The following DIPK2B variants were observed in gnomAD, a reference collection of about 807,000 sequenced individuals.
The protein encoded by DIPK2B is divergent protein kinase domain 2B, also known as UPF0672 protein CXorf36.
A neutral mutation model predicts 22.2 loss-of-function variants in DIPK2B; 15 were observed. That is an observed-to-expected ratio of 0.68 (90% CI 0.45 to 1.04). The LOEUF (loss-of-function observed/expected upper bound fraction) is 1.04, where lower values mean the gene tolerates loss of function less well. Ranked by LOEUF, DIPK2B falls within the 50% of genes least tolerant of loss-of-function variation. The pLI is 0.00. For synonymous variants in DIPK2B, 163 were observed against 153.2 expected (o/e 1.06, Z -0.47); for missense variants, 345 against 348.3 (o/e 0.99, Z 0.08).
In DIPK2B at chrX:45,150,637, C is replaced by T. The variant is rs1439380606; in HGVS notation, c.*1015G>A. 5 of 111,225 alleles carry T rather than the reference C, an allele frequency of 4.5e-5. No homozygotes were observed. The highest frequency in any genetic ancestry group is 9.4e-5 in the Non-Finnish European group (5 of 53,068). The allele number at this position is 111,225 out of a possible 1,213,427, so 9.2% of individuals were successfully genotyped here. A position where few individuals can be genotyped will look rare whatever the true frequency, so the allele number is the denominator to read the frequency against. The stretch of plus-strand genomic sequence containing the variant: ...CTCTGAAATCTATCTTTGCTGTTTC[C>T]GCCAACCACTGAGTGCAGCAGGGAT... On this transcript the variant is annotated 3_prime_UTR_variant, in exon 5 of 5. Coordinates refer to ENST00000398000, the MANE Select transcript of DIPK2B (RefSeq NM_176819.4).
chrX:45,197,279 C>T (rs2047244176), intron 1 of DIPK2B, among the ~76,000 whole-genome samples: 1 of 109,398 alleles, frequency 9.1e-6, no homozygotes, highest in African/African-American at 3.3e-5. Flanking sequence ...GCTCTTTCAC[C>T]CAGGCTGGAG....
At chrX:45,168,993 A>G (rs1362196291) in intron 2 of DIPK2B, among the ~76,000 whole-genome samples, 1 of 111,966 alleles carries the variant, frequency 8.9e-6, no homozygotes, top group Non-Finnish European at 1.9e-5. Context: ...TAATTTAGCT[A>G]TGCCTCAGTT....
chrX:45,158,074 G>A (rs1370690561), intron 2 of DIPK2B, among the ~76,000 whole-genome samples, 186 bp from the exon 3 acceptor site: 4 of 101,923 alleles, frequency 3.9e-5, no homozygotes, highest in African/African-American at 1.4e-4. Context: ...GGGAGGGGTT[G>A]GGTAGCTCTG....
chrX:45,159,147 C>T (rs780735632), intron 2 of DIPK2B, among the ~76,000 whole-genome samples: 1 of 109,060 alleles, frequency 9.2e-6, no homozygotes, highest in East Asian at 2.9e-4. Flanking sequence ...GAGCAGGGGG[C>T]GGGGGTGGGG....
intron 2 of DIPK2B, among the ~76,000 whole-genome samples, chrX:45,176,768 C>G (rs889861941): frequency 8.9e-6 from 1 of 111,825 alleles, no homozygotes; most frequent in East Asian, 2.8e-4. Context: ...AGAAATCACC[C>G]TTTGTTCTCC....
rs1422890019 is a variant in DIPK2B, at chrX:45,157,887, C to T, written c.500G>A (p.Gly167Asp). 1 of 1,141,309 alleles carries T rather than the reference C, an allele frequency of 8.8e-7. No homozygotes were observed. Among genetic ancestry groups the T allele is most frequent in the South Asian group, 2.0e-5 (1 of 50,680 alleles). 94.1% of individuals were successfully genotyped at this position (1,141,309 alleles called of 1,213,427 possible). The change falls in exon 3 of 5, where the codon GGC (glycine) becomes GAC (aspartate). Residue 167 changes from glycine to aspartate, a missense_variant and splice_region_variant. By Grantham distance (94) the Gly-to-Asp change is moderately conservative. Transcript: ENST00000398000. The stretch of plus-strand genomic sequence containing the variant: ...GCAGCGCAGGAGCGGGCTGGCCAGG[C>T]CCTACGCGCAGGTGGGAGAGAGGCG... ...AKRLTPDLVQ[G>D]LASPLLRCPS... is the part of the protein sequence containing the mutation.
At position 45,148,497 on chromosome X, in the gene DIPK2B, G is replaced by C. The variant is rs1304969994; in HGVS notation, c.*3155C>G. ...TTCCAATCATGGTGGAAGGCGAAGG[G>C]GGAGCAGGTGTGTCACATGGTGAGA... On this transcript the variant is annotated 3_prime_UTR_variant, in exon 5 of 5. Transcript: ENST00000398000. 9.0e-6 allele frequency: 1 copy of C among 110,704 alleles called. No individual in the cohort carries two copies. The highest frequency in any genetic ancestry group is 3.3e-5 in the African/African-American group (1 of 30,367). The allele number at this position is 110,704 out of a possible 1,213,427, so 9.1% of individuals were successfully genotyped here.
chrX:45,162,923 C>T lies in DIPK2B; in HGVS notation c.499-5035G>A, dbSNP rs182228116. On this transcript the variant is annotated intron_variant, in intron 2 of 4. Coordinates refer to ENST00000398000, the MANE Select transcript of DIPK2B (RefSeq NM_176819.4). Reference sequence around the variant, plus strand: ...GATGCTGAGAGTGGCTGTCACAGTTCTCTACCACAATCCTTAACAGTCTGA... The same window carrying T: ...GATGCTGAGAGTGGCTGTCACAGTTTTCTACCACAATCCTTAACAGTCTGA... The T allele has an allele frequency of 3.9e-4, 292 of 752,168 alleles. 3 individuals are homozygous for T. In the East Asian group the frequency reaches 0.039, roughly 101 times the overall value. 62.0% of individuals were successfully genotyped at this position (752,168 alleles called of 1,213,427 possible).
At chrX:45,168,896 T>A (rs1345487206) in intron 2 of DIPK2B, among the ~76,000 whole-genome samples, 1 of 112,201 alleles carries the variant, frequency 8.9e-6, no homozygotes, top group Non-Finnish European at 1.9e-5. Flanking sequence ...ATCAAGTAGT[T>A]AACAACCATG....
At chrX:45,163,969 G>A (rs1425962491) in intron 2 of DIPK2B, 79 of 952,139 alleles carry the variant, frequency 8.3e-5, no homozygotes, top group Non-Finnish European at 2.7e-5. Flanking sequence ...AAGAGCCGGG[G>A]CTTTGGAGTT....
intron 2 of DIPK2B, among the ~76,000 whole-genome samples, chrX:45,185,566 T>A (rs975615633): frequency 3.6e-5 from 4 of 110,598 alleles, no homozygotes; most frequent in African/African-American, 1.3e-4. Flanking sequence ...TTTCCCCTAG[T>A]CTTCTCTTGC....
chrX:45,193,258 T>A (rs188029881), intron 1 of DIPK2B, among the ~76,000 whole-genome samples: 1,523 of 112,573 alleles, frequency 0.014, 14 homozygotes, highest in Non-Finnish European at 0.02. Context: ...CAATTGAAGG[T>A]CATACTGCAA....
At chrX:45,195,584 G>T (rs1188701468) in intron 1 of DIPK2B, among the ~76,000 whole-genome samples, 2 of 111,542 alleles carry the variant, frequency 1.8e-5, no homozygotes, top group Non-Finnish European at 3.8e-5. Flanking sequence ...AACCCATTTA[G>T]TACCTTTCCA....
In DIPK2B at chrX:45,170,243, CAA is replaced by C. The variant is rs145240278; in HGVS notation, c.499-12357_499-12356del. Reference sequence around the variant, plus strand: ...TGGGCAACAGAGCAAGACTCCGTCTCAAAAAAAAAAAAAAAAAAAAAGGAAGT... The same window carrying C: ...TGGGCAACAGAGCAAGACTCCGTCTCAAAAAAAAAAAAAAAAAAAGGAAGT... On this transcript the variant is annotated intron_variant, in intron 2 of 4. Transcript: ENST00000398000. 3.2e-3 allele frequency among the ~76,000 whole-genome samples: 166 copies of C among 52,611 alleles called. 1 individual carries two copies. The highest frequency in any genetic ancestry group is 0.011 in the Middle Eastern group (1 of 88). The allele number at this position is 52,611 out of a possible 115,157, so 45.7% of individuals were successfully genotyped here. A position where few individuals can be genotyped will look rare whatever the true frequency, so the allele number is the denominator to read the frequency against.
chrX:45,164,369 A>C, intron 2 of DIPK2B: 1 of 730,015 alleles, frequency 1.4e-6, no homozygotes, highest in African/African-American at 2.2e-5. Context: ...CCAGTGATCT[A>C]GTAAAATACT....
chrX:45,198,398 G>T (rs745487872), intron 1 of DIPK2B, among the ~76,000 whole-genome samples: 1 of 111,454 alleles, frequency 9.0e-6, no homozygotes, highest in South Asian at 3.8e-4. Flanking sequence ...GCCTCTCTCT[G>T]CCTCTTTGTG....
chrX:45,166,189 G>C (rs1416019099), intron 2 of DIPK2B, among the ~76,000 whole-genome samples: 1 of 111,790 alleles, frequency 8.9e-6, no homozygotes, highest in Non-Finnish European at 1.9e-5. Flanking sequence ...CATGAGTGAG[G>C]GTGATTGGGG....
chrX:45,193,604 C>T (rs1402911143), intron 1 of DIPK2B, among the ~76,000 whole-genome samples: 3 of 112,035 alleles, frequency 2.7e-5, no homozygotes, highest in Non-Finnish European at 5.6e-5. Flanking sequence ...ACTAGAGCTC[C>T]AGCCTCTCAC....
intron 1 of DIPK2B, among the ~76,000 whole-genome samples, chrX:45,194,735 T>A (rs1230090198): frequency 8.9e-6 from 1 of 111,789 alleles, no homozygotes; most frequent in Non-Finnish European, 1.9e-5. Flanking sequence ...AAAAGAGAAT[T>A]GAAAAGGATG....
Sources: gnomAD v4.1 joint callset for allele counts (sites outside exome capture counted in the v4.1 genomes callset) on GRCh38, gnomAD v4.1.1 for gene constraint, MANE v1.5 for transcripts, NCBI Gene and HGNC (gene_info 2026-07-23, HGNC 2026-07-21) for gene names.